SLC36A1: variants seen among roughly 807,000 people sequenced by gnomAD.
SLC36A1 encodes the protein solute carrier family 36 member 1.
In SLC36A1, 30 loss-of-function variants were observed where a neutral mutation model predicts 47.5. The ratio of observed to expected loss-of-function variants is 0.63; its 90% CI spans 0.47 to 0.86. SLC36A1 has a LOEUF of 0.86. Among genes scored for constraint, SLC36A1 ranks in the 40% least tolerant of loss-of-function variants. SLC36A1 has a pLI of 0.00. For missense variants in SLC36A1, 517 were observed against 606.0 expected, an observed-to-expected ratio of 0.85 and a Z score of 1.54; for synonymous variants, 255 against 249.7, an observed-to-expected ratio of 1.02 and a Z score of -0.20.
At chr5:151,460,319 G>A (rs1266016737) in intron 2 of SLC36A1, among the ~76,000 whole-genome samples, 8 of 152,300 alleles carry the variant, frequency 5.3e-5, no homozygotes, top group African/African-American at 1.9e-4. Context: ...TTTAGCAGAT[G>A]AGGTCTGGAT....
the SLC36A1 span, among the ~76,000 whole-genome samples, chr5:151,358,455 A>G: frequency 1.3e-5 from 2 of 152,042 alleles, no homozygotes; most frequent in African/African-American, 4.8e-5. Flanking sequence ...TAGAGATGGG[A>G]TCTTGCTATG....
the SLC36A1 span, among the ~76,000 whole-genome samples, chr5:151,364,686 G>T: frequency 2.6e-5 from 4 of 152,294 alleles, no homozygotes; most frequent in East Asian, 7.7e-4. Flanking sequence ...AGTTGCAAAT[G>T]TTGGAAACCC....
chr5:151,356,723 T>C, the SLC36A1 span, among the ~76,000 whole-genome samples: 1 of 152,170 alleles, frequency 6.6e-6, no homozygotes, highest in Non-Finnish European at 1.5e-5. Context: ...GGGCATTCAG[T>C]TGTGGTCAGC....
At chr5:151,522,922 G>A in the SLC36A1 span, among the ~76,000 whole-genome samples, 99 of 152,284 alleles carry the variant, frequency 6.5e-4, 1 homozygote, top group South Asian at 0.013. Flanking sequence ...AGGGTGACAG[G>A]ACCTCACTTA....
the SLC36A1 span, among the ~76,000 whole-genome samples, chr5:151,518,047 T>A: frequency 6.6e-6 from 1 of 152,084 alleles, no homozygotes; most frequent in Non-Finnish European, 1.5e-5. Flanking sequence ...AAAGCAAAAG[T>A]CATCCAGGTG....
At chr5:151,445,847 A>AT (rs1166318034), upstream of SLC36A1, among the ~76,000 whole-genome samples, 3 of 151,714 alleles carry the variant, frequency 2.0e-5, no homozygotes, top group Non-Finnish European at 4.4e-5. Context: ...CTTCACTTTC[A>AT]TTTTTTATTT....
the SLC36A1 span, among the ~76,000 whole-genome samples, chr5:151,497,389 A>G: frequency 2.6e-5 from 4 of 152,046 alleles, no homozygotes; most frequent in African/African-American, 4.8e-5. Flanking sequence ...GGTGGATTCC[A>G]TTGATTGATT....
the SLC36A1 span, among the ~76,000 whole-genome samples, chr5:151,506,937 A>G: frequency 4.4e-4 from 67 of 152,288 alleles, no homozygotes; most frequent in East Asian, 0.012. Context: ...CCATGGAGTG[A>G]CTTGGAATTT....
chr5:151,354,173 G>C, the SLC36A1 span, among the ~76,000 whole-genome samples: 1 of 152,122 alleles, frequency 6.6e-6, no homozygotes, highest in African/African-American at 2.4e-5. Context: ...GCGTGGTGGT[G>C]CACACCTGTA....
the SLC36A1 span, among the ~76,000 whole-genome samples, chr5:151,376,808 T>C: frequency 3.5e-3 from 528 of 152,240 alleles, 6 homozygotes; most frequent in African/African-American, 0.012. Flanking sequence ...AATTTTTGTA[T>C]TTTTAGTAAA....
chr5:151,455,352 C>A (rs936454405), intron 1 of SLC36A1, among the ~76,000 whole-genome samples: 4 of 149,532 alleles, frequency 2.7e-5, no homozygotes, highest in Non-Finnish European at 4.5e-5. Flanking sequence ...TTTTTTTTTT[C>A]TGTTTTCAAT....
At chr5:151,538,009 C>T in the SLC36A1 span, 2 of 1,485,802 alleles carry the variant, frequency 1.3e-6, no homozygotes, top group Non-Finnish European at 1.8e-6. Flanking sequence ...CAGAGAGAAG[C>T]AGAGTGACTG....
the SLC36A1 span, chr5:151,517,747 C>T: frequency 6.2e-7 from 1 of 1,614,100 alleles, no homozygotes. Context: ...GCTCTGACCA[C>T]TGAACCTTGT....
chr5:151,543,379 G>A, the SLC36A1 span: 1 of 1,614,114 alleles, frequency 6.2e-7, no homozygotes, highest in African/African-American at 1.3e-5. Flanking sequence ...TTTGAACTGT[G>A]GGGGGTTGTC....
chr5:151,354,085 C>A, the SLC36A1 span, among the ~76,000 whole-genome samples: 1 of 152,162 alleles, frequency 6.6e-6, no homozygotes, highest in Non-Finnish European at 1.5e-5. Context: ...GGGTGGATCA[C>A]TTGAGGTCAG....
chr5:151,362,389 C>CT, the SLC36A1 span, among the ~76,000 whole-genome samples: 280 of 108,970 alleles, frequency 2.6e-3, 2 homozygotes, highest in South Asian at 3.8e-3. Context: ...ATTGATTCTT[C>CT]TTTTTTTTTT....
chr5:151,444,905 CTTT>C (rs1423098564), upstream of SLC36A1, among the ~76,000 whole-genome samples: 2 of 152,138 alleles, frequency 1.3e-5, no homozygotes, highest in Non-Finnish European at 2.9e-5. Flanking sequence ...GATAATTTTA[CTTT>C]TTTCTTTCTG....
chr5:151,543,713 T>C, the SLC36A1 span: 1 of 1,614,188 alleles, frequency 6.2e-7, no homozygotes, highest in East Asian at 2.2e-5. Flanking sequence ...TTGGCATTTG[T>C]AGTGTTGATG....
intron 1 of SLC36A1, among the ~76,000 whole-genome samples, chr5:151,457,498 G>T (rs1421720620): frequency 6.6e-6 from 1 of 152,048 alleles, no homozygotes. Flanking sequence ...CACATTGAAA[G>T]GACATTTTTT....
Sources: gnomAD v4.1 joint callset for allele counts (sites outside exome capture counted in the v4.1 genomes callset) on GRCh38, gnomAD v4.1.1 for gene constraint, MANE v1.5 for transcripts, NCBI Gene and HGNC (gene_info 2026-07-23, HGNC 2026-07-21) for gene names.